Variants in GPR158 observed in about 807,000 individuals in gnomAD.
GPR158 encodes the protein metabotropic glycine receptor.
A neutral mutation model predicts 78.2 loss-of-function variants in GPR158; 30 were observed. The ratio of observed to expected loss-of-function variants is 0.38; its 90% confidence interval spans 0.29 to 0.52. The LOEUF (loss-of-function observed/expected upper bound fraction) is 0.52. Ranked by LOEUF, GPR158 falls within the 20% of genes least tolerant of loss-of-function variation. The probability of loss-of-function intolerance (pLI) is 0.83; values close to 1 mark genes in which losing one functional copy is unlikely to be tolerated. For missense variants in GPR158, 1,463 were observed against 1,523.5 expected, an observed-to-expected ratio of 0.96 and a Z score of 0.66; for synonymous variants, 581 against 591.1, an observed-to-expected ratio of 0.98 and a Z score of 0.25.
chr10:25,179,502 A>G (rs1239290842), intron 1 of GPR158, among the ~76,000 whole-genome samples: 2 of 152,208 alleles, frequency 1.3e-5, no homozygotes, highest in Non-Finnish European at 2.9e-5. Flanking sequence ...ATAAATCGAA[A>G]GCATGAACTT....
At chr10:25,320,915 A>G (rs1001644495) in intron 2 of GPR158, among the ~76,000 whole-genome samples, 3 of 152,222 alleles carry the variant, frequency 2.0e-5, no homozygotes, top group Admixed American at 1.3e-4. Context: ...TATCTAACTC[A>G]GGAGAAAATC....
At chr10:25,500,189 A>G (rs1835934033) in intron 5 of GPR158, among the ~76,000 whole-genome samples, 1 of 152,208 alleles carries the variant, frequency 6.6e-6, no homozygotes, top group African/African-American at 2.4e-5. Flanking sequence ...GTGTGTTTGA[A>G]TTCCTATCCT....
intron 5 of GPR158, among the ~76,000 whole-genome samples, chr10:25,517,451 G>A (rs918188420): frequency 1.3e-5 from 2 of 152,042 alleles, no homozygotes; most frequent in African/African-American, 2.4e-5. Context: ...TCTTGTGCCA[G>A]TTTTCAAAGG....
intron 9 of GPR158, among the ~76,000 whole-genome samples, chr10:25,596,255 G>A (rs1485206043): frequency 6.6e-6 from 1 of 152,144 alleles, no homozygotes. Flanking sequence ...TGGAGGGCAG[G>A]AACTCTATGA....
Position 25,412,417 on chromosome 10 carries a change from T to A in GPR158, c.1279T>A (p.Cys427Ser), listed in dbSNP as rs912791750. 5.0e-6 allele frequency: 8 copies of A among 1,614,130 alleles called. No homozygotes were observed. Among genetic ancestry groups the A allele is most frequent in the Non-Finnish European group, 6.8e-6 (8 of 1,179,944 alleles). Residue 427 changes from cysteine (C) to serine (S), a missense_variant, in exon 4 of 11, where the codon TGT (cysteine) becomes AGT (serine). Cys to Ser is a moderately radical substitution (Grantham distance 112). Transcript: ENST00000376351. ...RLAIISFQAL[C>S]MLLDFVSMLV... The stretch of plus-strand genomic sequence containing the variant: ...TGCCATCATCTCCTTCCAAGCCCTG[T>A]GTATGCTGCTCGACTTCGTTAGCAT...
chr10:25,545,771 TC>T (rs34360501), intron 5 of GPR158, among the ~76,000 whole-genome samples: 1 of 152,122 alleles, frequency 6.6e-6, no homozygotes, highest in Non-Finnish European at 1.5e-5. Flanking sequence ...CCTCTCTTCT[TC>T]CCATCCTTCC....
chr10:25,486,599 T>C (rs1203393128), intron 5 of GPR158, among the ~76,000 whole-genome samples: 2 of 152,106 alleles, frequency 1.3e-5, no homozygotes, highest in East Asian at 1.9e-4. Flanking sequence ...ACGTGGTTTT[T>C]TGGACCTCAC....
intron 7 of GPR158, among the ~76,000 whole-genome samples, chr10:25,586,391 ATTTTTTTTTTTTTTTTTT>A (rs71399977): frequency 0.14 from 9,996 of 71,018 alleles, 525 homozygotes; most frequent in East Asian, 0.35. Flanking sequence ...GTATGTGTGA[ATTTTTTTTTTTTTTTTTT>A]TTTTTTTTTT....
chr10:25,449,559 T>C (rs574836068), intron 4 of GPR158, among the ~76,000 whole-genome samples: 3 of 152,344 alleles, frequency 2.0e-5, no homozygotes, highest in Middle Eastern at 3.4e-3. Context: ...GAAAAGACTT[T>C]CCTAGGAGAG....
intron 2 of GPR158, among the ~76,000 whole-genome samples, chr10:25,305,743 A>G (rs768110880): frequency 6.6e-6 from 1 of 152,210 alleles, no homozygotes; most frequent in African/African-American, 2.4e-5. Flanking sequence ...AACAGCAACA[A>G]TAGGTGCCCT....
chr10:25,295,315 T>G (rs1394230346), intron 2 of GPR158, among the ~76,000 whole-genome samples: 1 of 152,212 alleles, frequency 6.6e-6, no homozygotes. Flanking sequence ...CATGTATGCT[T>G]GCACTCTGTA....
chr10:25,409,494 A>G (rs1834558091), intron 3 of GPR158, among the ~76,000 whole-genome samples: 1 of 152,208 alleles, frequency 6.6e-6, no homozygotes, highest in African/African-American at 2.4e-5. Context: ...GAGAAGGATA[A>G]GACTACAAGA....
At chr10:25,395,471 A>G (rs1270980064) in intron 2 of GPR158, among the ~76,000 whole-genome samples, 7 of 152,158 alleles carry the variant, frequency 4.6e-5, no homozygotes, top group African/African-American at 7.2e-5. Flanking sequence ...CAATTTTCAC[A>G]TCTTAAATTT....
intron 2 of GPR158, among the ~76,000 whole-genome samples, chr10:25,352,200 A>AAATACTGTG (rs1855484801): frequency 6.6e-6 from 1 of 152,030 alleles, no homozygotes; most frequent in African/African-American, 2.4e-5. Context: ...ACTAGTCATT[A>AAATACTGTG]AATACTGTGA....
At chr10:25,501,229 G>A (rs1835942772) in intron 5 of GPR158, among the ~76,000 whole-genome samples, 1 of 152,030 alleles carries the variant, frequency 6.6e-6, no homozygotes, top group African/African-American at 2.4e-5. Flanking sequence ...GACAGCGTGG[G>A]GACCCCTCAC....
rs1283949988 is a variant in GPR158, at chr10:25,600,766, AC to A, written c.*1493del. 1.3e-5 allele frequency: 2 copies of A among 152,434 alleles called. No individual in the cohort carries two copies. The highest frequency in any genetic ancestry group is 4.8e-5 in the African/African-American group (2 of 41,438). The allele number at this position is 152,434 out of a possible 1,614,324, so 9.4% of individuals were successfully genotyped here. ...TTGTGAGCCACTTGCTCGACATGTA[AC>A]ATGTAAGGTCCATTTGCAAAGCAAA... On this transcript the variant is annotated 3_prime_UTR_variant, in exon 11 of 11. Coordinates refer to ENST00000376351, the MANE Select transcript of GPR158 (RefSeq NM_020752.3).
intron 3 of GPR158, among the ~76,000 whole-genome samples, chr10:25,410,702 T>C (rs1834571726): frequency 6.6e-6 from 1 of 152,206 alleles, no homozygotes. Context: ...CCAAGTGTTC[T>C]AGTGAGTTGT....
intron 1 of GPR158, among the ~76,000 whole-genome samples, chr10:25,181,530 T>C (rs1292575310): frequency 2.0e-5 from 3 of 152,172 alleles, no homozygotes; most frequent in Non-Finnish European, 4.4e-5. Context: ...GTAGAAATAC[T>C]GGCCTTAGAG....
intron 1 of GPR158, among the ~76,000 whole-genome samples, chr10:25,179,818 G>C (rs915121568): frequency 6.6e-6 from 1 of 152,170 alleles, no homozygotes; most frequent in African/African-American, 2.4e-5. Context: ...AAAAGAGAGA[G>C]TAATAATTTA....
Sources: gnomAD v4.1 joint callset for allele counts (sites outside exome capture counted in the v4.1 genomes callset) on GRCh38, gnomAD v4.1.1 for gene constraint, MANE v1.5 for transcripts, NCBI Gene and HGNC (gene_info 2026-07-23, HGNC 2026-07-21) for gene names.